Variants in KCNMB2 observed in about 807,000 individuals in gnomAD.
KCNMB2 encodes potassium calcium-activated channel subfamily M regulatory beta subunit 2, also known as calcium-activated potassium channel subunit beta-2.
In KCNMB2, 9 loss-of-function variants were observed where a neutral mutation model predicts 24.5. The ratio of observed to expected loss-of-function variants is 0.37; its 90% CI spans 0.22 to 0.64. KCNMB2 has a LOEUF of 0.64. KCNMB2 is among the 30% of genes least tolerant of loss of function. KCNMB2 has a pLI of 0.63. For missense variants in KCNMB2, 226 were observed against 284.3 expected (o/e 0.79, Z 1.47); for synonymous variants, 109 against 104.4 (o/e 1.04, Z -0.27).
At chr3:178,809,077 A>G (rs766598356) in intron 2 of KCNMB2, among the ~76,000 whole-genome samples, 2 of 152,184 alleles carry the variant, frequency 1.3e-5, no homozygotes, top group Non-Finnish European at 2.9e-5. Context: ...TTTGCTTTCA[A>G]GTTGAATCAT....
intron 1 of KCNMB2, among the ~76,000 whole-genome samples, chr3:178,671,951 G>A (rs1720914834): frequency 6.6e-6 from 1 of 152,164 alleles, no homozygotes; most frequent in South Asian, 2.1e-4. Context: ...ACAGAGAGGT[G>A]CACACCTTTG....
At chr3:178,537,888 C>A (rs1185659654) in intron 1 of KCNMB2, among the ~76,000 whole-genome samples, 3 of 152,096 alleles carry the variant, frequency 2.0e-5, no homozygotes, top group Non-Finnish European at 4.4e-5. Context: ...TAACGAATGG[C>A]AGATATGTGA....
chr3:178,757,291 G>GAT (rs10693232), intron 1 of KCNMB2, among the ~76,000 whole-genome samples: 3,402 of 66,980 alleles, frequency 0.051, 327 homozygotes, highest in Non-Finnish European at 0.072. Context: ...TATCCAAGAG[G>GAT]ATATATATAT....
intron 2 of KCNMB2, among the ~76,000 whole-genome samples, chr3:178,818,239 G>A (rs1461689877): frequency 6.6e-6 from 1 of 152,172 alleles, no homozygotes; most frequent in Non-Finnish European, 1.5e-5. Flanking sequence ...AGACACAAAT[G>A]ATGCCCAGAT....
chr3:178,759,625 CTCTCCAAGAGGATATATATATATATA>C (rs1711621907), intron 1 of KCNMB2, among the ~76,000 whole-genome samples: 1 of 107,606 alleles, frequency 9.3e-6, no homozygotes, highest in Non-Finnish European at 1.9e-5. Context: ...ACATATATCT[CTCTCCAAGAGGATATATATATATATA>C]TCTCCAAGAG....
At chr3:178,610,511 G>A (rs1236527617) in intron 1 of KCNMB2, among the ~76,000 whole-genome samples, 2 of 151,898 alleles carry the variant, frequency 1.3e-5, no homozygotes, top group Non-Finnish European at 2.9e-5. Context: ...TTTATGTGTG[G>A]CTATTTTAAA....
rs80127025 is a variant in KCNMB2, at chr3:178,623,006, G to A, written c.-68+86295G>A. On this transcript the variant is annotated intron_variant, in intron 1 of 4. Coordinates refer to ENST00000452583, the MANE Select transcript of KCNMB2 (RefSeq NM_181361.3). ...CATAGAACTATTCAACATTAGACAC[G>A]TCAAGTTTGGGACACCAGTAAGTAG... 5.7e-3 allele frequency among the ~76,000 whole-genome samples: 864 copies of A among 152,308 alleles called. 19 individuals carry two copies. Among genetic ancestry groups the A allele is most frequent in the Admixed American group, 0.043 (652 of 15,304 alleles).
chr3:178,600,369 C>T (rs73054334), intron 1 of KCNMB2, among the ~76,000 whole-genome samples: 4,219 of 152,192 alleles, frequency 0.028, 193 homozygotes, highest in African/African-American at 0.095. Context: ...AATGCTGCTA[C>T]GAACATGCGT....
intron 1 of KCNMB2, among the ~76,000 whole-genome samples, chr3:178,744,013 G>T (rs945807893): frequency 2.0e-5 from 3 of 152,180 alleles, no homozygotes; most frequent in Non-Finnish European, 4.4e-5. Context: ...CCCTCAAGAA[G>T]GTCAGTATTC....
chr3:178,546,508 C>T (rs1197820892), intron 1 of KCNMB2, among the ~76,000 whole-genome samples: 2 of 152,196 alleles, frequency 1.3e-5, no homozygotes, highest in Non-Finnish European at 2.9e-5. Flanking sequence ...TACTTCACCA[C>T]AACCTATGAA....
intron 1 of KCNMB2, among the ~76,000 whole-genome samples, chr3:178,799,980 G>A (rs1168011535): frequency 6.6e-6 from 1 of 152,096 alleles, no homozygotes; most frequent in Non-Finnish European, 1.5e-5. Flanking sequence ...TCTATATGCT[G>A]AAGAATGAAA....
At chr3:178,826,737 C>T (rs1714847920) in intron 3 of KCNMB2, among the ~76,000 whole-genome samples, 1 of 152,192 alleles carries the variant, frequency 6.6e-6, no homozygotes, top group Non-Finnish European at 1.5e-5. Context: ...TAAATTAATA[C>T]TTTCATTTTA....
chr3:178,618,773 G>T (rs958643600), intron 1 of KCNMB2, among the ~76,000 whole-genome samples: 28 of 152,178 alleles, frequency 1.8e-4, no homozygotes, highest in Non-Finnish European at 4.0e-4. Context: ...AGATAGAGGA[G>T]AGGCTAAGAG....
chr3:178,564,062 G>A (rs967629490), intron 1 of KCNMB2, among the ~76,000 whole-genome samples: 2 of 152,114 alleles, frequency 1.3e-5, no homozygotes. Context: ...GGTGGATCAC[G>A]AGGTCAGGAG....
At chr3:178,634,401 A>G (rs1216615583) in intron 1 of KCNMB2, among the ~76,000 whole-genome samples, 1 of 152,156 alleles carries the variant, frequency 6.6e-6, no homozygotes, top group African/African-American at 2.4e-5. Context: ...GCCTCAGGAA[A>G]CTTAAAATCA....
At chr3:178,606,488 T>G (rs200818574) in intron 1 of KCNMB2, among the ~76,000 whole-genome samples, 6,695 of 144,278 alleles carry the variant, frequency 0.046, 231 homozygotes, top group East Asian at 0.13. Context: ...TTTTTTTTTT[T>G]TGTGGAAATT....
intron 1 of KCNMB2, among the ~76,000 whole-genome samples, chr3:178,803,417 C>A (rs1413824017): frequency 6.6e-6 from 1 of 152,256 alleles, no homozygotes; most frequent in Non-Finnish European, 1.5e-5. Flanking sequence ...AAAGACAGTG[C>A]AAGCTAAGGG....
chr3:178,549,081 G>T (rs1393107090), intron 1 of KCNMB2, among the ~76,000 whole-genome samples: 1 of 152,068 alleles, frequency 6.6e-6, no homozygotes, highest in Non-Finnish European at 1.5e-5. Flanking sequence ...ATACCTGGTG[G>T]TTCTCTATAT....
chr3:178,784,397 C>T (rs946622070), intron 1 of KCNMB2, among the ~76,000 whole-genome samples: 1 of 152,082 alleles, frequency 6.6e-6, no homozygotes, highest in African/African-American at 2.4e-5. Flanking sequence ...TCCATGCTTC[C>T]TCTTTGTAAA....
Sources: allele counts gnomAD v4.1 joint callset (sites outside exome capture counted in the v4.1 genomes callset), GRCh38; gene constraint gnomAD v4.1.1; transcripts MANE v1.5; gene names NCBI Gene and HGNC (gene_info 2026-07-23, HGNC 2026-07-21).